SH2D4A: variants seen among roughly 807,000 people sequenced by gnomAD.
SH2D4A encodes SH2 domain-containing protein 4A.
A neutral mutation model predicts 64.7 loss-of-function variants in SH2D4A; 70 were observed. That is an observed-to-expected ratio of 1.08 (90% CI 0.89 to 1.32). The LOEUF is 1.32. SH2D4A is among the 40% of genes most tolerant of loss of function. The pLI, the probability that SH2D4A is intolerant of heterozygous loss-of-function variation, is 0.00. For synonymous variants in SH2D4A, 268 were observed against 200.7 expected (o/e 1.34, Z -2.83); for missense variants, 706 against 540.1 (o/e 1.31, Z -3.04).
At chr8:19,344,773 AG>A (rs2052585913) in intron 4 of SH2D4A, among the ~76,000 whole-genome samples, 1 of 61,214 alleles carries the variant, frequency 1.6e-5, no homozygotes, top group East Asian at 4.9e-4. Context: ...TTCAGATTTC[AG>A]CTTTTTTTTC....
At chr8:19,391,457 G>T (rs141414286) in intron 8 of SH2D4A, among the ~76,000 whole-genome samples, 1 of 152,282 alleles carries the variant, frequency 6.6e-6, no homozygotes, top group Non-Finnish European at 1.5e-5. Flanking sequence ...ATGTGCATCA[G>T]TCGTCTGCTG....
intron 8 of SH2D4A, among the ~76,000 whole-genome samples, chr8:19,384,452 C>T (rs989151697): frequency 6.6e-6 from 1 of 152,172 alleles, no homozygotes; most frequent in African/African-American, 2.4e-5. Flanking sequence ...TCCCATTGTC[C>T]TTGAACACCC....
chr8:19,346,644 C>G (rs1039977399), intron 4 of SH2D4A, among the ~76,000 whole-genome samples: 1 of 152,150 alleles, frequency 6.6e-6, no homozygotes, highest in Non-Finnish European at 1.5e-5. Flanking sequence ...AATCAGTCGC[C>G]GATGCCAAAA....
At chr8:19,350,563 GCCCTGACCTCCCCAGGCTCA>G (rs951069775) in intron 4 of SH2D4A, among the ~76,000 whole-genome samples, 22 of 152,100 alleles carry the variant, frequency 1.4e-4, no homozygotes, top group Non-Finnish European at 2.9e-5. Context: ...GCTCACTGTA[GCCCTGACCTCCCCAGGCTCA>G]GGTGATCCTC....
chr8:19,339,367 C>A (rs551565503), intron 4 of SH2D4A, among the ~76,000 whole-genome samples: 1 of 152,258 alleles, frequency 6.6e-6, no homozygotes, highest in African/African-American at 2.4e-5. Context: ...TATTTTGCAT[C>A]CTTCAGTCCA....
intron 8 of SH2D4A, among the ~76,000 whole-genome samples, chr8:19,374,216 T>G (rs922122248): frequency 5.9e-5 from 9 of 152,334 alleles, no homozygotes; most frequent in African/African-American, 1.9e-4. Context: ...ACATAGGTGG[T>G]TGGATCCTGA....
rs1313533454 is a variant in SH2D4A, at chr8:19,344,687, C to T, written c.513+9830C>T. On this transcript the variant is annotated intron_variant, in intron 4 of 9. Transcript: ENST00000265807. ...GTATCTTTTAAGGCCATGACAGCTA[C>T]CATACCCCTGTAGGCTGTCGGGTCA... Among the ~76,000 whole-genome samples, 4 of 152,162 alleles carry T rather than the reference C, an allele frequency of 2.6e-5. No individual in the cohort carries two copies. The East Asian group carries it at 7.7e-4, about 29-fold the overall frequency.
intron 2 of SH2D4A, among the ~76,000 whole-genome samples, chr8:19,328,561 C>G (rs1486603830): frequency 2.6e-5 from 4 of 152,248 alleles, no homozygotes; most frequent in African/African-American, 9.6e-5. Flanking sequence ...CTGCCTCACT[C>G]CTGGTCTTTT....
chr8:19,324,024 C>G (rs915000982), intron 2 of SH2D4A, among the ~76,000 whole-genome samples: 2 of 152,174 alleles, frequency 1.3e-5, no homozygotes, highest in African/African-American at 4.8e-5. Context: ...TTAACTGGAG[C>G]TTAATGACAG....
At position 19,382,823 on chromosome 8, in the gene SH2D4A, C is replaced by CTTTTTTTTTTTTTTTTTTTTTTTTTTTT. The variant is rs1159245319; in HGVS notation, c.1048+9188_1048+9189insTTTTTTTTTTTTTTTTTTTTTTTTTTTT. On this transcript the variant is annotated intron_variant, in intron 8 of 9. Transcript: ENST00000265807. Reference sequence around the variant, plus strand: ...TTTCTCTCTTGCTGCTTTTAAGATTCTTTTTTTTTTTTTTTTTTTTTTTTT... The same window carrying CTTTTTTTTTTTTTTTTTTTTTTTTTTTT: ...TTTCTCTCTTGCTGCTTTTAAGATTCTTTTTTTTTTTTTTTTTTTTTTTTTTTTTTTTTTTTTTTTTTTTTTTTTTTTT... Among the ~76,000 whole-genome samples the CTTTTTTTTTTTTTTTTTTTTTTTTTTTT allele has an allele frequency of 1.9e-4, 12 of 64,618 alleles. 1 individual carries two copies. The highest frequency in any genetic ancestry group is 2.3e-4 in the African/African-American group (4 of 17,094). 42.4% of individuals were successfully genotyped at this position (64,618 alleles called of 152,430 possible).
At chr8:19,320,751 A>T (rs1180564679) in intron 2 of SH2D4A, among the ~76,000 whole-genome samples, 13 of 152,122 alleles carry the variant, frequency 8.5e-5, no homozygotes, top group Non-Finnish European at 1.9e-4. Context: ...TTTACATGCG[A>T]AGTCTGTCAT....
chr8:19,385,836 TC>T (rs1166884700), intron 8 of SH2D4A, among the ~76,000 whole-genome samples: 12 of 152,212 alleles, frequency 7.9e-5, no homozygotes, highest in Admixed American at 7.9e-4. Flanking sequence ...TGATCATCTA[TC>T]CTTCTACTAT....
At chr8:19,365,451 G>A (rs1184278303) in intron 7 of SH2D4A, among the ~76,000 whole-genome samples, 5 of 152,132 alleles carry the variant, frequency 3.3e-5, no homozygotes, top group South Asian at 2.1e-4. Flanking sequence ...GCTGACAAAG[G>A]TGCACACGGC....
At chr8:19,364,959 T>A (rs1171296855) in intron 7 of SH2D4A, among the ~76,000 whole-genome samples, 2 of 152,212 alleles carry the variant, frequency 1.3e-5, no homozygotes, top group East Asian at 3.8e-4. Flanking sequence ...CCATCCCTTA[T>A]GTTTGCTGAT....
At chr8:19,353,489 C>T (rs899528701) in intron 4 of SH2D4A, among the ~76,000 whole-genome samples, 3 of 151,664 alleles carry the variant, frequency 2.0e-5, no homozygotes, top group African/African-American at 7.3e-5. Flanking sequence ...TTGCCTCAGC[C>T]TCCTGAGTAG....
At position 19,337,312 on chromosome 8, in the gene SH2D4A, G is replaced by A. The variant is rs184529380; in HGVS notation, c.513+2455G>A. ...CTGCTACCTCTCAGACAACTGACTC[G>A]ATGGTACATTTATATTTTTATTGTA... On this transcript the variant is annotated intron_variant, in intron 4 of 9. Coordinates refer to ENST00000265807, the MANE Select transcript of SH2D4A (RefSeq NM_022071.4). Among the ~76,000 whole-genome samples the A allele has an allele frequency of 5.9e-5, 9 of 152,242 alleles. No individual in the cohort carries two copies. In the East Asian group the frequency reaches 7.7e-4, roughly 13 times the overall value.
rs375651116 is a variant in SH2D4A at position 19,361,176 on chromosome 8, GT to G, written c.595-18del. The G allele has an allele frequency of 1.2e-4, 157 of 1,291,522 alleles. No individual in the cohort carries two copies. Among genetic ancestry groups the G allele is most frequent in the South Asian group, 2.0e-4 (14 of 71,064 alleles). 80.0% of individuals were successfully genotyped at this position (1,291,522 alleles called of 1,614,324 possible). A position where few individuals can be genotyped will look rare whatever the true frequency, so the allele number is the denominator to read the frequency against. ...TCTTTTTTTGTTTTGTTTTGTTTTT[GT>G]TTTTTTTTGTTTTGTTTTTAAACAG... On this transcript the variant is annotated intron_variant, in intron 5 of 9. Coordinates refer to ENST00000265807, the MANE Select transcript of SH2D4A (RefSeq NM_022071.4).
chr8:19,366,321 A>G (rs1016526434), intron 7 of SH2D4A, among the ~76,000 whole-genome samples: 3 of 152,160 alleles, frequency 2.0e-5, no homozygotes, highest in African/African-American at 2.4e-5. Context: ...TCAAAATCCT[A>G]TCTTTTGGCT....
chr8:19,395,202 C>G lies in SH2D4A; in HGVS notation c.*560C>G, dbSNP rs2053568155. On this transcript the variant is annotated 3_prime_UTR_variant, in exon 10 of 10. Transcript: ENST00000265807. ...AATGTAAATTGAATGAGAGGCTTAACATGCATGAAAATACAGATGGACCTG... is the reference window on the plus strand; with the variant it reads ...AATGTAAATTGAATGAGAGGCTTAAGATGCATGAAAATACAGATGGACCTG... 1 of 152,218 alleles carries G rather than the reference C, an allele frequency of 6.6e-6. No individual in the cohort carries two copies. Among genetic ancestry groups the G allele is most frequent in the Non-Finnish European group, 1.5e-5 (1 of 68,056 alleles). The allele number at this position is 152,218 out of a possible 1,614,324, so 9.4% of individuals were successfully genotyped here.
Sources: gnomAD v4.1 joint callset for allele counts (sites outside exome capture counted in the v4.1 genomes callset) on GRCh38, gnomAD v4.1.1 for gene constraint, MANE v1.5 for transcripts, NCBI Gene and HGNC (gene_info 2026-07-23, HGNC 2026-07-21) for gene names.